The following PRR16 variants were observed in gnomAD, a reference collection of about 807,000 sequenced individuals.
The protein encoded by PRR16 is protein Largen.
A neutral mutation model predicts 18.2 loss-of-function variants in PRR16; 6 were observed. That is an observed-to-expected ratio of 0.33 (90% CI 0.18 to 0.65). The LOEUF (loss-of-function observed/expected upper bound fraction) is 0.65. PRR16 is among the 30% of genes least tolerant of loss of function. PRR16 has a pLI of 0.74. For synonymous variants in PRR16, 151 were observed against 147.8 expected, an observed-to-expected ratio of 1.02 and a Z score of -0.16; for missense variants, 412 against 376.6, an observed-to-expected ratio of 1.09 and a Z score of -0.78.
the PRR16 span, among the ~76,000 whole-genome samples, chr5:120,756,786 C>G: frequency 6.6e-6 from 1 of 151,960 alleles, no homozygotes; most frequent in African/African-American, 2.4e-5. Context: ...TGTGCAGAAG[C>G]TCTTTAGTTT....
At chr5:120,507,941 C>A (rs1003996192) in intron 1 of PRR16, among the ~76,000 whole-genome samples, 2 of 152,042 alleles carry the variant, frequency 1.3e-5, no homozygotes, top group Non-Finnish European at 2.9e-5. Flanking sequence ...ACTTGCCTAC[C>A]CACTATTTAT....
chr5:120,473,200 C>A (rs769776961), intron 1 of PRR16, among the ~76,000 whole-genome samples: 8 of 151,810 alleles, frequency 5.3e-5, no homozygotes, highest in Non-Finnish European at 8.8e-5. Flanking sequence ...ATTTTAAAGC[C>A]CAAATATCAG....
chr5:120,495,151 A>G (rs951868399), intron 1 of PRR16, among the ~76,000 whole-genome samples: 3 of 152,070 alleles, frequency 2.0e-5, no homozygotes, highest in Admixed American at 6.6e-5. Flanking sequence ...GAAATTGTAT[A>G]CTTTCGAGCA....
the PRR16 span, among the ~76,000 whole-genome samples, chr5:120,731,796 C>A: frequency 1.3e-5 from 2 of 152,170 alleles, no homozygotes; most frequent in Admixed American, 6.5e-5. Context: ...TTTGAATGCT[C>A]ACTCATTTAG....
intron 1 of PRR16, among the ~76,000 whole-genome samples, chr5:120,675,347 T>C (rs1417495748): frequency 6.6e-6 from 1 of 152,210 alleles, no homozygotes; most frequent in Non-Finnish European, 1.5e-5. Context: ...TTTAAGGTTA[T>C]TAGCTGTTAC....
rs772804276 is a variant in PRR16, at chr5:120,686,337, G to C, written c.543G>C (p.Lys181Asn). 1 of 1,614,156 alleles carries C rather than the reference G, an allele frequency of 6.2e-7. No individual in the cohort carries two copies. Among genetic ancestry groups the C allele is most frequent in the Non-Finnish European group, 8.5e-7 (1 of 1,180,028 alleles). Reference sequence around the variant, plus strand: ...GCATACCCAACAGTAACTTGGACAAGGCTCCAGTCCAGCTTCTGATGCATA... The same window carrying C: ...GCATACCCAACAGTAACTTGGACAACGCTCCAGTCCAGCTTCTGATGCATA... ...ICCIPNSNLD[K>N]APVQLLMHRP... The change falls in exon 2 of 2, where the codon AAG becomes AAC. Residue 181 changes from lysine (K) to asparagine (N), a missense_variant. By Grantham distance (94) the Lys-to-Asn change is moderately conservative (BLOSUM62 0). Coordinates refer to ENST00000407149, the MANE Select transcript of PRR16 (RefSeq NM_001300783.2).
At chr5:120,561,916 C>T (rs1446231002) in intron 1 of PRR16, among the ~76,000 whole-genome samples, 2 of 152,170 alleles carry the variant, frequency 1.3e-5, no homozygotes, top group Non-Finnish European at 2.9e-5. Context: ...GCCTATTAAA[C>T]CTCTTTTTCT....
chr5:120,650,375 C>T (rs1447075954), intron 1 of PRR16, among the ~76,000 whole-genome samples: 1 of 150,528 alleles, frequency 6.6e-6, no homozygotes, highest in Non-Finnish European at 1.5e-5. Flanking sequence ...ATGTGCACAA[C>T]ATGCAGGTTT....
chr5:120,666,531 T>G (rs962920044), intron 1 of PRR16, among the ~76,000 whole-genome samples: 1 of 151,928 alleles, frequency 6.6e-6, no homozygotes, highest in African/African-American at 2.4e-5. Flanking sequence ...ATCCCTGTCT[T>G]GTGCCAGTTT....
chr5:120,703,254 A>C, the PRR16 span, among the ~76,000 whole-genome samples: 1 of 152,116 alleles, frequency 6.6e-6, no homozygotes, highest in African/African-American at 2.4e-5. Flanking sequence ...GGCAAGGACT[A>C]GCCATTTACA....
rs554393365 is a variant in PRR16, at chr5:120,598,932, TTTAATTAATC to T, written c.160-87015_160-87006del. Among the ~76,000 whole-genome samples, 23 of 152,024 alleles carry T rather than the reference TTTAATTAATC, an allele frequency of 1.5e-4. No individual in the cohort carries two copies. In the East Asian group the frequency reaches 4.4e-3, roughly 29 times the overall value. ...TTTGTTAGAATTTTTTGTTCATCTT[TTTAATTAATC>T]TTAATTTCTTTATATTATAGGTTTG... On this transcript the variant is annotated intron_variant, in intron 1 of 1. Transcript: ENST00000407149.
chr5:120,593,047 C>T (rs1395942168), intron 1 of PRR16, among the ~76,000 whole-genome samples: 1 of 151,846 alleles, frequency 6.6e-6, no homozygotes, highest in East Asian at 1.9e-4. Context: ...TCCTAAATGC[C>T]CACATCCAAA....
chr5:120,581,716 G>T (rs563309949), intron 1 of PRR16, among the ~76,000 whole-genome samples: 89 of 152,066 alleles, frequency 5.9e-4, no homozygotes, highest in Middle Eastern at 3.4e-3. Flanking sequence ...CTGGTATGTT[G>T]TCTCTTTGTT....
chr5:120,601,979 G>T (rs1217703110), intron 1 of PRR16, among the ~76,000 whole-genome samples: 1 of 151,996 alleles, frequency 6.6e-6, no homozygotes, highest in East Asian at 1.9e-4. Flanking sequence ...TTGTAATATA[G>T]TTCAAAGTCA....
chr5:120,568,068 T>C (rs752658036), intron 1 of PRR16, among the ~76,000 whole-genome samples: 5 of 152,216 alleles, frequency 3.3e-5, no homozygotes, highest in African/African-American at 4.8e-5. Context: ...TAGTAGTACC[T>C]TCTGGACAAA....
chr5:120,527,755 C>A (rs1425680110), intron 1 of PRR16, among the ~76,000 whole-genome samples: 1 of 152,124 alleles, frequency 6.6e-6, no homozygotes, highest in Non-Finnish European at 1.5e-5. Context: ...CAAATGCCTT[C>A]CTATTTGAGT....
intron 1 of PRR16, among the ~76,000 whole-genome samples, chr5:120,504,954 A>T (rs576038833): frequency 6.6e-6 from 1 of 152,292 alleles, no homozygotes; most frequent in South Asian, 2.1e-4. Flanking sequence ...GGAGGGGTTG[A>T]TAATAGAAGG....
At chr5:120,590,948 AG>A (rs1382197405) in intron 1 of PRR16, among the ~76,000 whole-genome samples, 13 of 152,134 alleles carry the variant, frequency 8.5e-5, no homozygotes, top group African/African-American at 3.1e-4. Context: ...TTGATCTTAT[AG>A]TATTCCTATT....
intron 1 of PRR16, among the ~76,000 whole-genome samples, chr5:120,491,452 TCC>T (rs1750039664): frequency 7.7e-6 from 1 of 129,446 alleles, no homozygotes; most frequent in East Asian, 2.0e-4. Flanking sequence ...TCCTTTCCTT[TCC>T]TTTCCTTTCC....
Sources: allele counts gnomAD v4.1 joint callset (sites outside exome capture counted in the v4.1 genomes callset), GRCh38; gene constraint gnomAD v4.1.1; transcripts MANE v1.5; gene names NCBI Gene and HGNC (gene_info 2026-07-23, HGNC 2026-07-21).